Variants in KCNMA1 observed in about 807,000 individuals in gnomAD.
The protein encoded by KCNMA1 is potassium calcium-activated channel subfamily M alpha 1.
In KCNMA1, 29 loss-of-function variants were observed where a neutral mutation model predicts 140.0. The observed-to-expected ratio is 0.21, with a 90% CI of 0.15 to 0.28. The LOEUF is 0.28. Ranked by LOEUF, KCNMA1 falls within the 10% of genes least tolerant of loss-of-function variation. The pLI is 1.00. For missense variants in KCNMA1, 880 were observed against 1,602.2 expected, an observed-to-expected ratio of 0.55 and a Z score of 7.70; for synonymous variants, 612 against 611.9, an observed-to-expected ratio of 1.00 and a Z score of 0.00.
At chr10:77,098,465 C>G (rs2096995783) in intron 9 of KCNMA1, among the ~76,000 whole-genome samples, 1 of 152,102 alleles carries the variant, frequency 6.6e-6, no homozygotes, top group African/African-American at 2.4e-5. Context: ...AATGACTACT[C>G]CCGAGTTTCC....
intron 2 of KCNMA1, among the ~76,000 whole-genome samples, chr10:77,401,384 G>A (rs1002759736): frequency 2.6e-4 from 39 of 152,084 alleles, no homozygotes; most frequent in African/African-American, 8.9e-4. Flanking sequence ...CTCGATCTCC[G>A]GACCTCGTGA....
intron 1 of KCNMA1, among the ~76,000 whole-genome samples, chr10:77,441,995 G>A (rs563945653): frequency 1.4e-4 from 21 of 152,312 alleles, no homozygotes; most frequent in Admixed American, 1.4e-3. Flanking sequence ...ATGAGCTAGG[G>A]ACAGCCCTGT....
intron 14 of KCNMA1, among the ~76,000 whole-genome samples, chr10:77,066,017 A>G (rs1048016255): frequency 2.0e-5 from 3 of 152,200 alleles, no homozygotes; most frequent in African/African-American, 4.8e-5. Flanking sequence ...ACTTAAGCCA[A>G]TGAGGTTCCA....
At chr10:77,228,848 C>T (rs1020652736) in intron 3 of KCNMA1, among the ~76,000 whole-genome samples, 3 of 152,160 alleles carry the variant, frequency 2.0e-5, no homozygotes, top group African/African-American at 4.8e-5. Flanking sequence ...CTACCATGGG[C>T]GCCAACCCTA....
At chr10:77,149,106 C>T (rs1021078247) in intron 5 of KCNMA1, among the ~76,000 whole-genome samples, 10 of 152,202 alleles carry the variant, frequency 6.6e-5, no homozygotes, top group Admixed American at 2.6e-4. Flanking sequence ...TATAATCCAT[C>T]GTGCCTAGCA....
chr10:77,318,615 C>A (rs2081497670), intron 2 of KCNMA1, among the ~76,000 whole-genome samples: 1 of 152,070 alleles, frequency 6.6e-6, no homozygotes, highest in Non-Finnish European at 1.5e-5. Context: ...TGGTAGGCAC[C>A]CTTTCAATGT....
At chr10:76,962,819 A>G (rs770468774) in intron 20 of KCNMA1, among the ~76,000 whole-genome samples, 6 of 152,184 alleles carry the variant, frequency 3.9e-5, no homozygotes, top group Non-Finnish European at 7.3e-5. Context: ...CTAGTCCCCA[A>G]ACACTCTTCA....
intron 1 of KCNMA1, among the ~76,000 whole-genome samples, chr10:77,597,011 G>T (rs2081140402): frequency 1.3e-5 from 2 of 152,156 alleles, no homozygotes; most frequent in Non-Finnish European, 2.9e-5. Flanking sequence ...AACCTTTCTG[G>T]AGCGAAATCT....
intron 18 of KCNMA1, among the ~76,000 whole-genome samples, chr10:77,007,990 ACT>A (rs1215073550): frequency 1.3e-5 from 2 of 151,752 alleles, no homozygotes. Flanking sequence ...CTCCCTGGGG[ACT>A]CTCTGGCTCC....
At chr10:77,255,687 G>T (rs969719178) in intron 2 of KCNMA1, among the ~76,000 whole-genome samples, 5 of 152,060 alleles carry the variant, frequency 3.3e-5, no homozygotes, top group Non-Finnish European at 5.9e-5. Flanking sequence ...GCCGAGGTGG[G>T]GGGATCACGA....
At chr10:77,314,923 AACACACACAC>A (rs3998084) in intron 2 of KCNMA1, among the ~76,000 whole-genome samples, 25,767 of 146,226 alleles carry the variant, frequency 0.18, 2,340 homozygotes, top group East Asian at 0.31. Flanking sequence ...CCACACCCCC[AACACACACAC>A]ACACACACAC....
intron 25 of KCNMA1, chr10:76,902,941 C>T (rs1424319278): frequency 6.6e-6 from 1 of 152,188 alleles, no homozygotes; most frequent in Non-Finnish European, 1.5e-5. Flanking sequence ...TAGACAATTC[C>T]CTCTCCGGGT....
At chr10:76,994,095 C>CAGTCACTG (rs950158434) in intron 19 of KCNMA1, among the ~76,000 whole-genome samples, 1 of 152,194 alleles carries the variant, frequency 6.6e-6, no homozygotes, top group African/African-American at 2.4e-5. Flanking sequence ...CCAGCTCCAC[C>CAGTCACTG]AGTCACTGGC....
chr10:77,543,958 G>A (rs1193817389), intron 1 of KCNMA1, among the ~76,000 whole-genome samples: 1 of 152,088 alleles, frequency 6.6e-6, no homozygotes, highest in Admixed American at 6.5e-5. Context: ...ACCTTGATGA[G>A]CTCTTCTAAA....
intron 12 of KCNMA1, 79 bp from the exon 13 acceptor site, chr10:77,079,629 C>T: frequency 1.0e-6 from 1 of 982,514 alleles, no homozygotes; most frequent in Non-Finnish European, 1.6e-6. Context: ...TTACTGTCTC[C>T]AAATGGGGTA....
chr10:77,228,475 A>G (rs1345302488), intron 3 of KCNMA1, among the ~76,000 whole-genome samples: 1 of 152,196 alleles, frequency 6.6e-6, no homozygotes, highest in Non-Finnish European at 1.5e-5. Flanking sequence ...TAAAGCTCCC[A>G]TAAGGACAAG....
At chr10:77,131,102 T>C (rs187047334) in intron 5 of KCNMA1, among the ~76,000 whole-genome samples, 36 of 152,282 alleles carry the variant, frequency 2.4e-4, no homozygotes, top group Admixed American at 2.0e-3. Context: ...AGTCACTACA[T>C]GGCAGCAAGT....
At chr10:77,249,592 G>A (rs2059303869) in intron 3 of KCNMA1, 1 of 152,212 alleles carries the variant, frequency 6.6e-6, no homozygotes, top group Non-Finnish European at 1.5e-5. Flanking sequence ...CTTTCTCTGG[G>A]ACATACAAGC....
chr10:77,624,827 A>C (rs1208568886), intron 1 of KCNMA1, among the ~76,000 whole-genome samples: 1 of 152,088 alleles, frequency 6.6e-6, no homozygotes, highest in African/African-American at 2.4e-5. Context: ...CACAGGCAGA[A>C]AGAGGGTTGT....
Sources: gnomAD v4.1 joint callset for allele counts (sites outside exome capture counted in the v4.1 genomes callset) on GRCh38, gnomAD v4.1.1 for gene constraint, MANE v1.5 for transcripts, NCBI Gene and HGNC (gene_info 2026-07-23, HGNC 2026-07-21) for gene names.